TTC6: variants seen among roughly 807,000 people sequenced by gnomAD.
TTC6 encodes tetratricopeptide repeat protein 6.
A neutral mutation model predicts 210.4 loss-of-function variants in TTC6; 172 were observed. That is an observed-to-expected ratio of 0.82 (90% CI 0.72 to 0.93). The LOEUF (loss-of-function observed/expected upper bound fraction) is 0.93, where lower values mean the gene tolerates loss of function less well. Among genes scored for constraint, TTC6 ranks in the 40% least tolerant of loss-of-function variants. The pLI is 0.00. For missense variants in TTC6, 2,414 were observed against 2,318.1 expected (o/e 1.04, Z -0.85); for synonymous variants, 804 against 819.6 (o/e 0.98, Z 0.32).
chr14:37,773,106 G>T lies in TTC6; in HGVS notation c.3267-14362G>T, dbSNP rs1219938791. Among the ~76,000 whole-genome samples, 3 of 152,056 alleles carry T rather than the reference G, an allele frequency of 2.0e-5. No individual in the cohort carries two copies. The East Asian group carries it at 5.8e-4, about 29-fold the overall frequency. ...CACTTTTTAATGCTATTGTGTGTGG[G>T]TTTTTTTGTTTGTTTGTTTGTTCAT... On this transcript the variant is annotated intron_variant, in intron 14 of 30. Transcript: ENST00000553443.
chr14:37,755,657 A>G (rs1014454908), intron 14 of TTC6, among the ~76,000 whole-genome samples: 1 of 148,440 alleles, frequency 6.7e-6, no homozygotes, highest in African/African-American at 2.4e-5. Flanking sequence ...GTTGCTTTTT[A>G]TGTATATATG....
intron 14 of TTC6, among the ~76,000 whole-genome samples, chr14:37,782,058 C>T (rs999009973): frequency 6.4e-4 from 97 of 152,144 alleles, no homozygotes; most frequent in Non-Finnish European, 8.5e-4. Flanking sequence ...AGTCAGGTAG[C>T]GTGATGCCTC....
intron 3 of TTC6, among the ~76,000 whole-genome samples, chr14:37,687,075 T>C (rs916862622): frequency 2.0e-5 from 3 of 152,044 alleles, no homozygotes; most frequent in African/African-American, 7.2e-5. Context: ...AAAGAGACAT[T>C]GAAGACACAG....
chr14:37,627,507 T>C (rs938203886), intron 1 of TTC6, among the ~76,000 whole-genome samples: 6 of 145,796 alleles, frequency 4.1e-5, no homozygotes, highest in African/African-American at 1.5e-4. Context: ...CCTGTGTCCA[T>C]GTGTTCTCAT....
At chr14:37,708,432 T>C (rs558205302) in intron 5 of TTC6, among the ~76,000 whole-genome samples, 1 of 152,214 alleles carries the variant, frequency 6.6e-6, no homozygotes, top group African/African-American at 2.4e-5. Context: ...TCATTTTATT[T>C]CCCAAATAAA....
chr14:37,648,921 T>C (rs964875405), intron 1 of TTC6, among the ~76,000 whole-genome samples: 2 of 152,178 alleles, frequency 1.3e-5, no homozygotes, highest in African/African-American at 2.4e-5. Flanking sequence ...TCTCAGCATG[T>C]AGTGGGTTTG....
chr14:37,822,768 G>T (rs1292962090), intron 26 of TTC6, among the ~76,000 whole-genome samples: 3 of 152,176 alleles, frequency 2.0e-5, no homozygotes, highest in African/African-American at 7.2e-5. Flanking sequence ...GGATTTTGGA[G>T]TAAGGCTTAC....
chr14:37,684,769 T>G (rs2095790681), intron 3 of TTC6, among the ~76,000 whole-genome samples: 1 of 152,184 alleles, frequency 6.6e-6, no homozygotes. Flanking sequence ...TCCATAAAGT[T>G]AGTTTCTAGC....
chr14:37,826,331 T>G (rs757911261), exon 28 of TTC6: 1 of 1,603,426 alleles, frequency 6.2e-7, no homozygotes, highest in Non-Finnish European at 8.5e-7. Flanking sequence ...ATGCAGGATA[T>G]TAATGCTGCC....
chr14:37,749,852 T>C lies in TTC6; in HGVS notation c.2956+9T>C. 1 of 1,355,654 alleles carries C rather than the reference T, an allele frequency of 7.4e-7. No individual in the cohort carries two copies. The highest frequency in any genetic ancestry group is 2.8e-5 in the East Asian group (1 of 35,358). 84.0% of individuals were successfully genotyped at this position (1,355,654 alleles called of 1,614,324 possible). A position where few individuals can be genotyped will look rare whatever the true frequency, so the allele number is the denominator to read the frequency against. On this transcript the variant is annotated intron_variant, in intron 12 of 30. Coordinates refer to ENST00000553443, the Ensembl canonical transcript of TTC6. Reference sequence around the variant, plus strand: ...TAATAAAAATAATACAGGTGGGTTGTCTGTAGAGACAGTTATATTACCTAC... The same window carrying C: ...TAATAAAAATAATACAGGTGGGTTGCCTGTAGAGACAGTTATATTACCTAC...
chr14:37,710,536 C>T (rs2095842978), intron 5 of TTC6, among the ~76,000 whole-genome samples: 3 of 152,096 alleles, frequency 2.0e-5, no homozygotes, highest in Admixed American at 2.0e-4. Flanking sequence ...CCTCAATGAT[C>T]ATAAACAATA....
intron 17 of TTC6, among the ~76,000 whole-genome samples, chr14:37,793,996 A>T (rs931672295): frequency 6.6e-6 from 1 of 152,172 alleles, no homozygotes; most frequent in Non-Finnish European, 1.5e-5. Flanking sequence ...ACAAGAATAT[A>T]TACTCCCATT....
chr14:37,753,747 T>A (rs1177588677), intron 14 of TTC6, among the ~76,000 whole-genome samples: 1 of 150,806 alleles, frequency 6.6e-6, no homozygotes, highest in Non-Finnish European at 1.5e-5. Flanking sequence ...TTTTCAATTT[T>A]TTTTTTTTTT....
chr14:37,607,284 T>C (rs2045225349), intron 2 of TTC6, among the ~76,000 whole-genome samples: 1 of 152,200 alleles, frequency 6.6e-6, no homozygotes, highest in Admixed American at 6.5e-5. Context: ...TCATGGGAAA[T>C]GTCCTTGTGT....
chr14:37,752,721 G>A (rs1448950170), intron 13 of TTC6, among the ~76,000 whole-genome samples: 1 of 151,964 alleles, frequency 6.6e-6, no homozygotes, highest in Non-Finnish European at 1.5e-5. Flanking sequence ...TATTTTATGT[G>A]ATTGAATCAG....
chr14:37,739,402 C>T (rs888704872), intron 10 of TTC6, among the ~76,000 whole-genome samples: 3 of 151,484 alleles, frequency 2.0e-5, no homozygotes, highest in African/African-American at 7.3e-5. Context: ...CATGGTGAAA[C>T]CCCTCTCTAC....
intron 14 of TTC6, among the ~76,000 whole-genome samples, chr14:37,761,815 G>C (rs754002601): frequency 6.6e-6 from 1 of 152,096 alleles, no homozygotes; most frequent in Non-Finnish European, 1.5e-5. Flanking sequence ...TGTGGCTCTA[G>C]TTTCTTCACT....
At chr14:37,787,176 C>T (rs761283066) in intron 14 of TTC6, among the ~76,000 whole-genome samples, 1 of 152,086 alleles carries the variant, frequency 6.6e-6, no homozygotes, top group Non-Finnish European at 1.5e-5. Context: ...AAATGTCATA[C>T]TTATTTTATT....
chr14:37,753,299 A>T, intron 14 of TTC6, 64 bp downstream of exon 16: 1 of 1,360,012 alleles, frequency 7.4e-7, no homozygotes, highest in Non-Finnish European at 9.8e-7. Context: ...TTTTCAGAAC[A>T]GAAAATTGCT....
Sources: allele counts gnomAD v4.1 joint callset (sites outside exome capture counted in the v4.1 genomes callset), GRCh38; gene constraint gnomAD v4.1.1; transcripts MANE v1.5; gene names NCBI Gene and HGNC (gene_info 2026-07-23, HGNC 2026-07-21).